DCP1A: variants seen among roughly 807,000 people sequenced by gnomAD.
DCP1A encodes the protein mRNA-decapping enzyme 1A.
In DCP1A, 20 loss-of-function variants were observed where a neutral mutation model predicts 58.0. The ratio of observed to expected loss-of-function variants is 0.34; its 90% confidence interval spans 0.24 to 0.50. DCP1A has a LOEUF of 0.50. Among genes scored for constraint, DCP1A ranks in the 20% least tolerant of loss-of-function variants. The pLI is 0.98. For missense variants in DCP1A, 613 were observed against 712.2 expected, an observed-to-expected ratio of 0.86 and a Z score of 1.59; for synonymous variants, 285 against 275.1, an observed-to-expected ratio of 1.04 and a Z score of -0.36.
intron 3 of DCP1A, among the ~76,000 whole-genome samples, chr3:53,339,407 T>A (rs1388064165): frequency 6.6e-6 from 1 of 152,230 alleles, no homozygotes; most frequent in African/African-American, 2.4e-5. Context: ...ATGTTCTAGT[T>A]AACATAATAA....
intron 3 of DCP1A, chr3:53,328,918 C>G (rs1708183090): frequency 6.5e-6 from 1 of 153,902 alleles, no homozygotes; most frequent in Admixed American, 6.5e-5. Flanking sequence ...TCACTGATTA[C>G]AGAATCATAC....
At chr3:53,318,248 T>A (rs1707868600) in intron 4 of DCP1A, among the ~76,000 whole-genome samples, 1 of 152,152 alleles carries the variant, frequency 6.6e-6, no homozygotes, top group African/African-American at 2.4e-5. Context: ...GAGGCTGCAC[T>A]GAGCTGTGAC....
intron 7 of DCP1A, 111 bp from the exon 8 acceptor site, chr3:53,290,967 G>T (rs915386753): frequency 7.5e-5 from 72 of 954,878 alleles, no homozygotes; most frequent in South Asian, 3.0e-5. Context: ...GTTAGTAACA[G>T]AAAATGGTTC....
At chr3:53,311,650 G>C (rs1009137551) in intron 5 of DCP1A, among the ~76,000 whole-genome samples, 1 of 152,138 alleles carries the variant, frequency 6.6e-6, no homozygotes, top group Non-Finnish European at 1.5e-5. Context: ...ACCAATTACA[G>C]ACCATGAGTG....
chr3:53,295,408 T>G lies in DCP1A; in HGVS notation c.625-2581A>C, dbSNP rs1553686663. 2.6e-5 allele frequency among the ~76,000 whole-genome samples: 4 copies of G among 152,216 alleles called. 1 individual carries two copies. The highest frequency in any genetic ancestry group is 9.6e-5 in the African/African-American group (4 of 41,458). ...ATAAGGCAGCATCAGTATCTAATTT[T>G]AGACCATGGATACAAAAAAATACTA... On this transcript the variant is annotated intron_variant, in intron 6 of 9. Transcript: ENST00000610213.
intron 4 of DCP1A, among the ~76,000 whole-genome samples, chr3:53,318,774 G>A (rs553680889): frequency 1.3e-5 from 2 of 152,338 alleles, no homozygotes; most frequent in South Asian, 4.1e-4. Flanking sequence ...CCCATGAGTG[G>A]ATTGGGGCCT....
In DCP1A at chr3:53,330,416, C is replaced by G. The variant is rs192824163; in HGVS notation, c.305-10943G>C. On this transcript the variant is annotated intron_variant, in intron 3 of 9. Coordinates refer to ENST00000610213, the MANE Select transcript of DCP1A (RefSeq NM_018403.7). ...CTCTATTTAAAAGAAAAAAATTTAG[C>G]TGGTGTAGTAGCTCACACCTATAGT... Among the ~76,000 whole-genome samples the G allele has an allele frequency of 1.2e-3, 187 of 151,888 alleles. 2 individuals are homozygous for G. The highest frequency in any genetic ancestry group is 3.9e-3 in the African/African-American group (162 of 41,380).
chr3:53,305,220 A>G (rs1707432326), intron 5 of DCP1A, among the ~76,000 whole-genome samples: 1 of 152,234 alleles, frequency 6.6e-6, no homozygotes, highest in Non-Finnish European at 1.5e-5. Context: ...GAGTAGTATT[A>G]CATTATATAA....
Position 53,300,804 on chromosome 3 carries a change from C to T in DCP1A, c.624+3373G>A, listed in dbSNP as rs782786563. On this transcript the variant is annotated intron_variant, in intron 6 of 9. Coordinates refer to ENST00000610213, the MANE Select transcript of DCP1A (RefSeq NM_018403.7). Reference sequence around the variant, plus strand: ...CTGTGATTACAGGCGTGCACCACCACACCCGGCTAATTTTTGTATTTTTAT... The same window carrying T: ...CTGTGATTACAGGCGTGCACCACCATACCCGGCTAATTTTTGTATTTTTAT... 6.0e-4 allele frequency among the ~76,000 whole-genome samples: 91 copies of T among 152,046 alleles called. 2 individuals carry two copies. The highest frequency in any genetic ancestry group is 2.4e-4 in the Non-Finnish European group (16 of 68,010).
At chr3:53,309,320 G>A (rs1481686407) in intron 5 of DCP1A, among the ~76,000 whole-genome samples, 2 of 149,864 alleles carry the variant, frequency 1.3e-5, no homozygotes, top group South Asian at 2.1e-4. Context: ...GCAGTGAGTC[G>A]AGATCGCGCC....
intron 3 of DCP1A, among the ~76,000 whole-genome samples, chr3:53,338,410 T>C (rs975655400): frequency 1.3e-4 from 20 of 151,990 alleles, no homozygotes; most frequent in Middle Eastern, 3.4e-3. Context: ...CAGTGAGACC[T>C]TGTCTTTTGA....
intron 6 of DCP1A, among the ~76,000 whole-genome samples, chr3:53,297,001 C>A (rs1349835139): frequency 5.9e-5 from 9 of 152,158 alleles, no homozygotes; most frequent in Admixed American, 5.9e-4. Context: ...TACATTATCA[C>A]CAGCAATCCA....
In DCP1A at chr3:53,312,283, G is replaced by A. The variant is rs1707667577; in HGVS notation, c.468C>T (p.Asp156=). The A allele has an allele frequency of 6.2e-7, 1 of 1,613,110 alleles. No homozygotes were observed. The highest frequency in any genetic ancestry group is 1.3e-5 in the African/African-American group (1 of 74,842). ...TGGCTCTGCTCAGCATCTCCAGGAT[G>A]TCGATGGGCCTGTGGTCGCTGCAGC... ...ANGCSDHRPI[D]ILEMLSRAKD... The change falls in exon 5 of 10, where the codon GAC becomes GAT. Residue 156 remains aspartate, a synonymous_variant. Transcript: ENST00000610213.
At chr3:53,347,340 G>A in intron 1 of DCP1A, 43 bp downstream of exon 1, 2 of 1,498,128 alleles carry the variant, frequency 1.3e-6, no homozygotes, top group Non-Finnish European at 8.9e-7. Flanking sequence ...TTTAAGAGAC[G>A]GCAGCGGCCG....
Position 53,347,520 on chromosome 3 carries a change from T to C in DCP1A, c.-3A>G, listed in dbSNP as rs758929912. On this transcript the variant is annotated 5_prime_UTR_variant, in exon 1 of 10. Coordinates refer to ENST00000610213, the MANE Select transcript of DCP1A (RefSeq NM_018403.7). Reference sequence around the variant, plus strand: ...CCAGCTCGACTCAGCGCCTCCATCTTGAATCCCAGAGCCTAGCCCCTCTGG... The same window carrying C: ...CCAGCTCGACTCAGCGCCTCCATCTCGAATCCCAGAGCCTAGCCCCTCTGG... The C allele has an allele frequency of 8.7e-5, 140 of 1,609,488 alleles. No individual in the cohort carries two copies. Among genetic ancestry groups the C allele is most frequent in the Non-Finnish European group, 1.1e-4 (134 of 1,177,792 alleles).
intron 5 of DCP1A, among the ~76,000 whole-genome samples, chr3:53,306,387 T>G (rs1366454318): frequency 1.3e-5 from 2 of 152,152 alleles, no homozygotes; most frequent in African/African-American, 4.8e-5. Context: ...AGTTAAAATA[T>G]TGTTCATAAC....
At chr3:53,321,510 A>C (rs1379638126) in intron 3 of DCP1A, among the ~76,000 whole-genome samples, 1 of 152,234 alleles carries the variant, frequency 6.6e-6, no homozygotes, top group East Asian at 1.9e-4. Context: ...ACCTGAGGTC[A>C]GGAGTTTGAG....
rs566940593 is a variant in DCP1A, at chr3:53,324,545, T to A, written c.305-5072A>T. Among the ~76,000 whole-genome samples, 43 of 152,362 alleles carry A rather than the reference T, an allele frequency of 2.8e-4. No homozygotes were observed. The South Asian group carries it at 8.5e-3, about 30-fold the overall frequency. ...TGAAATAAATTTCTCTGATTAACTA[T>A]CCTACAGAGAATTCAGGCTTTTGGC... On this transcript the variant is annotated intron_variant, in intron 3 of 9. Coordinates refer to ENST00000610213, the MANE Select transcript of DCP1A (RefSeq NM_018403.7).
intron 4 of DCP1A, among the ~76,000 whole-genome samples, chr3:53,314,642 AGAG>A (rs1553689002): frequency 2.0e-5 from 3 of 150,200 alleles, no homozygotes; most frequent in African/African-American, 7.3e-5. Context: ...TTTTGGTTTA[AGAG>A]AAGAATATTT....
Sources: gnomAD v4.1 joint callset for allele counts (sites outside exome capture counted in the v4.1 genomes callset) on GRCh38, gnomAD v4.1.1 for gene constraint, MANE v1.5 for transcripts, NCBI Gene and HGNC (gene_info 2026-07-23, HGNC 2026-07-21) for gene names.